The following WWP1 variants were observed in gnomAD, a reference collection of about 807,000 sequenced individuals.
WWP1 encodes WW domain containing E3 ubiquitin protein ligase 1, also known as NEDD4-like E3 ubiquitin-protein ligase WWP1.
WWP1 carries 49 observed loss-of-function variants against 130.6 expected under a neutral mutation model. The ratio of observed to expected loss-of-function variants is 0.38; its 90% CI spans 0.30 to 0.48. The LOEUF is 0.48. Ranked by LOEUF, WWP1 falls within the 20% of genes least tolerant of loss-of-function variation. WWP1 has a pLI of 0.99. For synonymous variants in WWP1, 332 were observed against 367.8 expected (o/e 0.90, Z 1.11); for missense variants, 809 against 1,100.6 (o/e 0.74, Z 3.75).
At chr8:86,437,951 C>G (rs113440394) in intron 16 of WWP1, among the ~76,000 whole-genome samples, 48 of 152,256 alleles carry the variant, frequency 3.2e-4, no homozygotes, top group African/African-American at 1.2e-3. Flanking sequence ...AGGCGCCCAC[C>G]ACCACGCCTG....
At position 86,425,250 on chromosome 8, in the gene WWP1, T is replaced by C; in HGVS notation, c.1089T>C (p.Gly363=). 1 of 1,612,826 alleles carries C rather than the reference T, an allele frequency of 6.2e-7. No homozygotes were observed. The highest frequency in any genetic ancestry group is 1.7e-5 in the Admixed American group (1 of 59,852). The change falls in exon 10 of 25, where the codon GGT becomes GGC. Residue 363 remains glycine (G), a synonymous_variant. Coordinates refer to ENST00000517970, the MANE Select transcript of WWP1 (RefSeq NM_007013.4). ...GGGAACAAAGAAAAGATCCTCATGG[T>C]AGAACCTATTATGTGGATCATAATA... The part of the protein sequence containing the change: ...SGWEQRKDPH[G]RTYYVDHNTR...
chr8:86,395,365 A>T (rs1807599122), intron 5 of WWP1, among the ~76,000 whole-genome samples: 1 of 151,854 alleles, frequency 6.6e-6, no homozygotes, highest in Admixed American at 6.6e-5. Flanking sequence ...GTTCAAATAA[A>T]ACTTTATTTA....
chr8:86,380,571 A>G lies in WWP1; in HGVS notation c.71-155A>G, dbSNP rs1379233941. On this transcript the variant is annotated intron_variant, in intron 3 of 24. Transcript: ENST00000517970. ...TACAGAAACATTCAAATGGCTCTCA[A>G]GCATTATCAGTAGCCCTTTTGTATT... is the stretch of plus-strand genomic sequence containing the variant. Among the ~76,000 whole-genome samples, 5 of 152,224 alleles carry G rather than the reference A, an allele frequency of 3.3e-5. No homozygotes were observed. The East Asian group carries it at 9.6e-4, about 29-fold the overall frequency.
At chr8:86,374,002 A>T in intron 2 of WWP1, 28 bp from the exon 3 acceptor site, 1 of 1,524,744 alleles carries the variant, frequency 6.6e-7, no homozygotes, top group Non-Finnish European at 8.9e-7. Context: ...TATCTAACAC[A>T]TGAATAAATT....
chr8:86,371,845 T>G (rs550089382), intron 2 of WWP1, among the ~76,000 whole-genome samples: 39 of 151,958 alleles, frequency 2.6e-4, no homozygotes, highest in Admixed American at 9.8e-4. Context: ...ATATTCACCC[T>G]TTTTTTCTTT....
At chr8:86,374,449 T>C (rs1202715901) in intron 3 of WWP1, among the ~76,000 whole-genome samples, 1 of 152,234 alleles carries the variant, frequency 6.6e-6, no homozygotes, top group Non-Finnish European at 1.5e-5. Flanking sequence ...TTTAGCCATT[T>C]GTTCAATCAT....
At chr8:86,390,255 C>G (rs1472177783) in intron 5 of WWP1, among the ~76,000 whole-genome samples, 2 of 152,072 alleles carry the variant, frequency 1.3e-5, no homozygotes, top group South Asian at 2.1e-4. Flanking sequence ...AGACGACGGG[C>G]GGCCAGGCAG....
chr8:86,461,274 C>T lies in WWP1; in HGVS notation c.2550C>T (p.Val850=), dbSNP rs1253325057. The T allele has an allele frequency of 6.2e-7, 1 of 1,614,010 alleles. No individual in the cohort carries two copies. The highest frequency in any genetic ancestry group is 1.3e-5 in the African/African-American group (1 of 74,930). The change falls in exon 23 of 25, where the codon GTC becomes GTT. Residue 850 remains valine, a synonymous_variant. Coordinates refer to ENST00000517970, the MANE Select transcript of WWP1 (RefSeq NM_007013.4). ...TAAGAATGCGACTATTGCAGTTCGT[C>T]ACTGGAACCTGCCGTTTACCTCTAG... ...NEVRMRLLQF[V]TGTCRLPLGG...
At chr8:86,410,108 A>T (rs899522892) in intron 8 of WWP1, among the ~76,000 whole-genome samples, 1 of 152,212 alleles carries the variant, frequency 6.6e-6, no homozygotes, top group Non-Finnish European at 1.5e-5. Context: ...ACATGATGTT[A>T]GTCTATAGTC....
At chr8:86,424,038 A>C (rs1175266526) in intron 9 of WWP1, among the ~76,000 whole-genome samples, 1 of 139,636 alleles carries the variant, frequency 7.2e-6, no homozygotes, top group African/African-American at 2.7e-5. Context: ...GACGCTCCTC[A>C]CTTCCCAGAC....
At chr8:86,363,042 A>T (rs915188966) in intron 1 of WWP1, among the ~76,000 whole-genome samples, 1 of 152,192 alleles carries the variant, frequency 6.6e-6, no homozygotes, top group Non-Finnish European at 1.5e-5. Flanking sequence ...ATATAATCTT[A>T]CCTTGAAGGT....
intron 4 of WWP1, 54 bp downstream of exon 4, chr8:86,380,918 G>C: frequency 6.7e-7 from 1 of 1,494,298 alleles, no homozygotes; most frequent in Non-Finnish European, 8.9e-7. Flanking sequence ...GTATTTTTTG[G>C]AATATGTTTT....
chr8:86,462,077 C>G (rs970669992), intron 24 of WWP1, among the ~76,000 whole-genome samples: 1 of 152,128 alleles, frequency 6.6e-6, no homozygotes, highest in Admixed American at 6.6e-5. Flanking sequence ...AGTGTACCCA[C>G]TAGGTATAAA....
At chr8:86,385,077 A>G (rs1825202834) in intron 5 of WWP1, among the ~76,000 whole-genome samples, 2 of 152,178 alleles carry the variant, frequency 1.3e-5, no homozygotes, top group Admixed American at 1.3e-4. Context: ...ACCCAAGAAA[A>G]ACATGACATC....
At chr8:86,403,845 T>TA (rs1808135448) in intron 8 of WWP1, among the ~76,000 whole-genome samples, 1 of 152,118 alleles carries the variant, frequency 6.6e-6, no homozygotes, top group Non-Finnish European at 1.5e-5. Context: ...AAGAGAAGAA[T>TA]AGATACAATT....
At chr8:86,372,496 T>C (rs549068724) in intron 2 of WWP1, among the ~76,000 whole-genome samples, 6 of 152,342 alleles carry the variant, frequency 3.9e-5, no homozygotes, top group Admixed American at 2.6e-4. Context: ...TAAGAAATCC[T>C]TCCATCCTGA....
chr8:86,405,244 A>C (rs896103627), intron 8 of WWP1: 1 of 151,940 alleles, frequency 6.6e-6, no homozygotes, highest in African/African-American at 2.4e-5. Flanking sequence ...AGGGGTGTGC[A>C]TATTCTATGT....
chr8:86,459,469 G>A (rs1332736454), intron 22 of WWP1, among the ~76,000 whole-genome samples: 1 of 152,164 alleles, frequency 6.6e-6, no homozygotes, highest in Non-Finnish European at 1.5e-5. Flanking sequence ...GTTATTGTCT[G>A]TATAGTAAGT....
chr8:86,435,577 T>C (rs760136995), intron 15 of WWP1, 50 bp downstream of exon 15: 4 of 1,612,480 alleles, frequency 2.5e-6, no homozygotes, highest in Non-Finnish European at 3.4e-6. Context: ...GTCTTCTCTT[T>C]ATACAATACA....
Sources: allele counts gnomAD v4.1 joint callset (sites outside exome capture counted in the v4.1 genomes callset), GRCh38; gene constraint gnomAD v4.1.1; transcripts MANE v1.5; gene names NCBI Gene and HGNC (gene_info 2026-07-23, HGNC 2026-07-21).